CD36: variants seen among roughly 807,000 people sequenced by gnomAD.
CD36 encodes CD36 molecule (CD36 blood group).
Under a neutral mutation model 55.2 loss-of-function variants are expected in CD36, and 119 were observed. The ratio of observed to expected loss-of-function variants is 2.15; its 90% confidence interval spans 1.86 to 2.51. The LOEUF is 2.51. Ranked by LOEUF, CD36 falls within the 30% of genes most tolerant of loss-of-function variation. The pLI is 0.00. For synonymous variants in CD36, 186 were observed against 193.6 expected, an observed-to-expected ratio of 0.96 and a Z score of 0.33; for missense variants, 819 against 555.5, an observed-to-expected ratio of 1.47 and a Z score of -4.77.
Position 80,673,396 on chromosome 7 carries a change from TTTGGC to T in CD36, c.1244_1248del (p.Trp415Ter). On this transcript the variant is annotated frameshift_variant, in exon 13 of 15. Transcript: ENST00000447544. LOFTEE classifies it high-confidence loss of function. Reference sequence around the variant, plus strand: ...AAGAGGAACTATATTGTGCCTATTCTTTGGCTTAATGAGGTTTGTATTTGCAGCTG... The same window carrying T: ...AAGAGGAACTATATTGTGCCTATTCTTTAATGAGGTTTGTATTTGCAGCTG... The T allele has an allele frequency of 6.4e-7, 1 of 1,569,038 alleles. No homozygotes were observed. The highest frequency in any genetic ancestry group is 8.8e-7 in the Non-Finnish European group (1 of 1,139,734).
At chr7:80,631,861 T>C (rs1299634162) in intron 1 of CD36, among the ~76,000 whole-genome samples, 3 of 151,600 alleles carry the variant, frequency 2.0e-5, no homozygotes, top group Admixed American at 6.6e-5. Context: ...AACACACATA[T>C]TTGTATTTGT....
intron 3 of CD36, among the ~76,000 whole-genome samples, chr7:80,653,536 G>A (rs1386268935): frequency 6.6e-6 from 1 of 152,274 alleles, no homozygotes; most frequent in African/African-American, 2.4e-5. Context: ...TCCAGTTGTT[G>A]TTGGGGCTTG....
At chr7:80,665,135 A>G (rs1297244376) in intron 7 of CD36, among the ~76,000 whole-genome samples, 1 of 152,130 alleles carries the variant, frequency 6.6e-6, no homozygotes, top group East Asian at 1.9e-4. Context: ...CAAAATGTGA[A>G]AATGAAGACT....
At chr7:80,604,006 T>C (rs1043004696) in intron 1 of CD36, among the ~76,000 whole-genome samples, 9 of 152,072 alleles carry the variant, frequency 5.9e-5, no homozygotes, top group African/African-American at 2.2e-4. Context: ...TTAAATTGTT[T>C]TGAAAAATAA....
intron 1 of CD36, among the ~76,000 whole-genome samples, chr7:80,619,610 G>A (rs1488217166): frequency 7.1e-6 from 1 of 141,356 alleles, no homozygotes; most frequent in Admixed American, 7.6e-5. Flanking sequence ...TTGCACCAGT[G>A]CACTCCAGCC....
intron 11 of CD36, among the ~76,000 whole-genome samples, chr7:80,672,385 A>G (rs1797777538): frequency 6.6e-6 from 1 of 151,826 alleles, no homozygotes; most frequent in African/African-American, 2.4e-5. Flanking sequence ...TTTCCTTTTC[A>G]AAAAGTAAAT....
intron 5 of CD36, chr7:80,662,598 T>A (rs1045256261): frequency 1.5e-5 from 3 of 205,978 alleles, no homozygotes; most frequent in South Asian, 7.0e-5. Flanking sequence ...TTTTTTTTTT[T>A]AAGTTCTGGG....
chr7:80,633,861 C>G (rs1457389490), upstream of CD36, among the ~76,000 whole-genome samples: 11 of 151,952 alleles, frequency 7.2e-5, no homozygotes, highest in South Asian at 2.1e-4. Context: ...GTTCATAGGT[C>G]AATAGAATGA....
rs368996004 is a variant in CD36, at chr7:80,604,319, T to C, written c.-184+1940T>C. ...AATAGTTTTAGTGTTCTGTTGTATA[T>C]AGAAGTACAGTAATTGGCTAAGCCA... On this transcript the variant is annotated intron_variant, in intron 1 of 13. Transcript: ENST00000309881. Among the ~76,000 whole-genome samples the C allele has an allele frequency of 4.1e-5, 6 of 147,074 alleles. No homozygotes were observed. The East Asian group carries it at 1.0e-3, about 25-fold the overall frequency.
chr7:80,671,658 G>A (rs3211940), intron 10 of CD36, among the ~76,000 whole-genome samples: 2,473 of 151,390 alleles, frequency 0.016, 66 homozygotes, highest in African/African-American at 0.055. Flanking sequence ...TCATACTAAC[G>A]TGGGTGTGGA....
At chr7:80,616,612 A>G (rs1016028718) in intron 1 of CD36, among the ~76,000 whole-genome samples, 1 of 152,184 alleles carries the variant, frequency 6.6e-6, no homozygotes, top group Admixed American at 6.5e-5. Context: ...TCCAGTTGTT[A>G]TCAGTTGGGA....
At chr7:80,653,384 C>T (rs1279285415) in intron 3 of CD36, among the ~76,000 whole-genome samples, 1 of 152,178 alleles carries the variant, frequency 6.6e-6, no homozygotes, top group Non-Finnish European at 1.5e-5. Context: ...AAACAGTATT[C>T]AAGTGAGTGC....
intron 3 of CD36, among the ~76,000 whole-genome samples, chr7:80,647,930 T>C (rs958682988): frequency 6.6e-6 from 1 of 152,152 alleles, no homozygotes; most frequent in Non-Finnish European, 1.5e-5. Flanking sequence ...ATTGAATTTT[T>C]ATTAAATTTT....
intron 3 of CD36, among the ~76,000 whole-genome samples, chr7:80,652,745 A>G (rs1171008832): frequency 6.6e-6 from 1 of 152,196 alleles, no homozygotes; most frequent in Non-Finnish European, 1.5e-5. Flanking sequence ...AGTAAATGCT[A>G]TGAACCAAGC....
In CD36 at chr7:80,673,383, A is replaced by C. The variant is rs1223118461; in HGVS notation, c.1228A>C (p.Ile410Leu). 1 of 1,565,896 alleles carries C rather than the reference A, an allele frequency of 6.4e-7. No individual in the cohort carries two copies. The highest frequency in any genetic ancestry group is 8.8e-7 in the Non-Finnish European group (1 of 1,137,548). ...ATTAAAGAATCTGAAGAGGAACTATATTGTGCCTATTCTTTGGCTTAATGA... is the reference window on the plus strand; with the variant it reads ...ATTAAAGAATCTGAAGAGGAACTATCTTGTGCCTATTCTTTGGCTTAATGA... ...QVLKNLKRNY[I>L]VPILWLNETG... The change falls in exon 13 of 15, where the codon ATT becomes CTT. Residue 410 changes from isoleucine to leucine, a missense_variant. Coordinates refer to ENST00000447544, the MANE Select transcript of CD36 (RefSeq NM_001001548.3).
intron 3 of CD36, among the ~76,000 whole-genome samples, chr7:80,653,911 G>A (rs1795814251): frequency 6.6e-6 from 1 of 152,098 alleles, no homozygotes; most frequent in African/African-American, 2.4e-5. Flanking sequence ...TAAAATTGAA[G>A]TGAAAGGACC....
intron 3 of CD36, chr7:80,647,235 A>G: frequency 3.7e-6 from 1 of 268,676 alleles, no homozygotes; most frequent in Non-Finnish European, 7.3e-6. Context: ...GTTGCACTTT[A>G]GTTAATACTG....
intron 1 of CD36, among the ~76,000 whole-genome samples, chr7:80,630,620 G>T (rs1794021171): frequency 6.6e-6 from 1 of 151,994 alleles, no homozygotes; most frequent in African/African-American, 2.4e-5. Context: ...TGGTTTCCAT[G>T]TTTTTATGGA....
At position 80,653,131 on chromosome 7, in the gene CD36, A is replaced by G. The variant is rs1284603331; in HGVS notation, c.121-3409A>G. On this transcript the variant is annotated intron_variant, in intron 3 of 14. Coordinates refer to ENST00000447544, the MANE Select transcript of CD36 (RefSeq NM_001001548.3). ...ATCTAATTTCATTGTTGGCCACTTC[A>G]GTCTATGCTTTAGGGAAGAAGCCAC... Among the ~76,000 whole-genome samples, 3 of 152,170 alleles carry G rather than the reference A, an allele frequency of 2.0e-5. No homozygotes were observed. In the South Asian group the frequency reaches 6.2e-4, roughly 32 times the overall value.
Sources: gnomAD v4.1 joint callset for allele counts (sites outside exome capture counted in the v4.1 genomes callset) on GRCh38, gnomAD v4.1.1 for gene constraint, MANE v1.5 for transcripts, NCBI Gene and HGNC (gene_info 2026-07-23, HGNC 2026-07-21) for gene names.